The following KDM4C variants were observed in gnomAD, a reference collection of about 807,000 sequenced individuals.
KDM4C encodes the protein lysine demethylase 4C, also known as lysine-specific demethylase 4C.
KDM4C carries 81 observed loss-of-function variants against 129.3 expected under a neutral mutation model. The observed-to-expected ratio is 0.63, with a 90% confidence interval of 0.52 to 0.75. The LOEUF is 0.75. Among genes scored for constraint, KDM4C ranks in the 30% least tolerant of loss-of-function variants. The probability of loss-of-function intolerance (pLI) is 0.00; values close to 1 mark genes in which losing one functional copy is unlikely to be tolerated. For missense variants in KDM4C, 1,457 were observed against 1,304.0 expected (o/e 1.12, Z -1.81); for synonymous variants, 573 against 456.1 (o/e 1.26, Z -3.26).
rs370233234 is a variant in KDM4C at position 6,867,021 on chromosome 9, T to A, written c.630-12991T>A. 9.8e-3 allele frequency among the ~76,000 whole-genome samples: 568 copies of A among 57,932 alleles called. 8 individuals are homozygous for A. The highest frequency in any genetic ancestry group is 0.021 in the African/African-American group (373 of 17,868). 38.0% of individuals were successfully genotyped at this position (57,932 alleles called of 152,430 possible). A position where few individuals can be genotyped will look rare whatever the true frequency, so the allele number is the denominator to read the frequency against. On this transcript the variant is annotated intron_variant, in intron 5 of 21. Coordinates refer to ENST00000381309, the MANE Select transcript of KDM4C (RefSeq NM_015061.6). Reference sequence around the variant, plus strand: ...TGTGTATATATATATATATATATTTTTTTTTTTTTTTGGAAGATGGAATCT... The same window carrying A: ...TGTGTATATATATATATATATATTTATTTTTTTTTTTGGAAGATGGAATCT...
At position 6,745,178 on chromosome 9, in the gene KDM4C, A is replaced by C. The variant is rs1817834840; in HGVS notation, c.49+24181A>C. The stretch of plus-strand genomic sequence containing the variant: ...ATCTCAGGATTGAGAGTCAAGGAAA[A>C]TTTGATCTTTGTTATGATAATGTTC... On this transcript the variant is annotated intron_variant, in intron 1 of 17. Coordinates refer to the KDM4C transcript ENST00000536108. 2.6e-5 allele frequency among the ~76,000 whole-genome samples: 4 copies of C among 152,120 alleles called. No individual in the cohort carries two copies. The South Asian group carries it at 8.3e-4, about 32-fold the overall frequency.
chr9:6,848,752 C>A (rs143934087), intron 4 of KDM4C, among the ~76,000 whole-genome samples: 1 of 152,164 alleles, frequency 6.6e-6, no homozygotes, highest in Non-Finnish European at 1.5e-5. Flanking sequence ...GTGACTCTAA[C>A]CTTCCCTCGC....
intron 8 of KDM4C, among the ~76,000 whole-genome samples, chr9:6,951,923 T>C (rs897928736): frequency 6.6e-6 from 1 of 152,230 alleles, no homozygotes; most frequent in African/African-American, 2.4e-5. Flanking sequence ...TTTTAAGTTT[T>C]AAATTTTTTT....
intron 8 of KDM4C, among the ~76,000 whole-genome samples, chr9:6,977,233 G>C (rs10491778): frequency 0.25 from 38,124 of 152,032 alleles, 5,182 homozygotes; most frequent in South Asian, 0.45. Context: ...AAATCTAATT[G>C]ATCTTCTACA....
chr9:6,905,648 G>T (rs1393148066), intron 8 of KDM4C, among the ~76,000 whole-genome samples: 3 of 152,190 alleles, frequency 2.0e-5, no homozygotes, highest in Non-Finnish European at 4.4e-5. Flanking sequence ...AGATTTGTAG[G>T]TGGGTTTAAC....
chr9:6,975,699 A>T (rs1258836046), intron 8 of KDM4C, among the ~76,000 whole-genome samples: 2 of 150,316 alleles, frequency 1.3e-5, no homozygotes, highest in African/African-American at 4.9e-5. Context: ...GGAAGGTCAG[A>T]TGGGGCAAAG....
chr9:6,730,763 G>C (rs1186593321), intron 1 of KDM4C, among the ~76,000 whole-genome samples: 1 of 152,154 alleles, frequency 6.6e-6, no homozygotes, highest in African/African-American at 2.4e-5. Flanking sequence ...AAAGAGAAGT[G>C]ACTATAGAAA....
intron 1 of KDM4C, among the ~76,000 whole-genome samples, chr9:6,771,727 A>G (rs1305736915): frequency 6.6e-6 from 1 of 152,216 alleles, no homozygotes; most frequent in African/African-American, 2.4e-5. Flanking sequence ...CATAAAAGTC[A>G]CAATGTAGAA....
rs557523030 is a variant in KDM4C at position 7,128,236 on chromosome 9, G to C, written c.2781G>C (p.Val927=). 1 of 1,572,520 alleles carries C rather than the reference G, an allele frequency of 6.4e-7. No individual in the cohort carries two copies. Among genetic ancestry groups the C allele is most frequent in the African/African-American group, 1.4e-5 (1 of 72,852 alleles). Residue 927 remains valine (V), a splice_region_variant and synonymous_variant, in exon 19 of 22, where the codon GTG becomes GTC. Coordinates refer to ENST00000381309, the MANE Select transcript of KDM4C (RefSeq NM_015061.6). ...GAGACACATTTCCTGAGGATATCGT[G>C]GTAAGTAGGCTTCCTTGAGTGCCTG... ...FSRDTFPEDI[V]SRDCLKLGPP... is the part of the protein sequence containing the mutation.
At chr9:6,855,266 C>G (rs1839592243) in intron 5 of KDM4C, among the ~76,000 whole-genome samples, 2 of 151,942 alleles carry the variant, frequency 1.3e-5, no homozygotes, top group South Asian at 4.1e-4. Flanking sequence ...CGAGACTAGC[C>G]TGGCCAACAT....
intron 17 of KDM4C, among the ~76,000 whole-genome samples, chr9:7,101,120 A>G (rs1320334775): frequency 2.0e-5 from 3 of 152,030 alleles, no homozygotes; most frequent in African/African-American, 7.3e-5. Context: ...GCTTTTCTTA[A>G]AGCTTTCTTC....
chr9:6,849,389 CAGTT>C (rs754676439), intron 4 of KDM4C, 114 bp from the exon 5 acceptor site: 42 of 725,046 alleles, frequency 5.8e-5, no homozygotes, highest in African/African-American at 1.4e-4. Context: ...TTTCAGTTTT[CAGTT>C]AGTTAGAATA....
intron 9 of KDM4C, among the ~76,000 whole-genome samples, chr9:6,982,951 C>G (rs1817024016): frequency 6.6e-6 from 1 of 152,116 alleles, no homozygotes; most frequent in Non-Finnish European, 1.5e-5. Flanking sequence ...TATTGATCTC[C>G]CTTTGGAAAT....
In KDM4C at chr9:7,049,047, A is replaced by G. The variant is rs375759384; in HGVS notation, c.2316-45A>G. The stretch of plus-strand genomic sequence containing the variant: ...TGGCATCACCAAGTTGAAGTATGTA[A>G]GTTTAGGGAACTTTTGTTTATGTTT... On this transcript the variant is annotated intron_variant, in intron 16 of 21. Transcript: ENST00000381309. 15 of 1,313,550 alleles carry G rather than the reference A, an allele frequency of 1.1e-5. No homozygotes were observed. The East Asian group carries it at 1.4e-4, about 12-fold the overall frequency. The allele number at this position is 1,313,550 out of a possible 1,614,324, so 81.4% of individuals were successfully genotyped here.
intron 17 of KDM4C, among the ~76,000 whole-genome samples, chr9:7,100,306 A>G (rs1485453397): frequency 6.6e-6 from 1 of 152,208 alleles, no homozygotes; most frequent in African/African-American, 2.4e-5. Flanking sequence ...CCTAACCTAC[A>G]GTAGTGTTTA....
At position 6,878,161 on chromosome 9, in the gene KDM4C, A is replaced by G. The variant is rs144469930; in HGVS notation, c.630-1851A>G. ...TTACCACAGTATGGCTTTCAGTTTG[A>G]GGATTTAGTTCTACTTGGGAAATAT... is the stretch of plus-strand genomic sequence containing the variant. On this transcript the variant is annotated intron_variant, in intron 5 of 21. Transcript: ENST00000381309. 7.9e-5 allele frequency among the ~76,000 whole-genome samples: 12 copies of G among 152,238 alleles called. No homozygotes were observed. The East Asian group carries it at 1.5e-3, about 20-fold the overall frequency.
At chr9:7,070,062 G>A (rs945436108) in intron 17 of KDM4C, among the ~76,000 whole-genome samples, 1 of 152,124 alleles carries the variant, frequency 6.6e-6, no homozygotes, top group African/African-American at 2.4e-5. Context: ...AGGGGGAAAA[G>A]GGAACAACAA....
rs552737924 is a variant in KDM4C, at chr9:6,833,675, G to A, written c.436-15832G>A. Among the ~76,000 whole-genome samples the A allele has an allele frequency of 3.3e-5, 5 of 152,284 alleles. No homozygotes were observed. The East Asian group carries it at 5.8e-4, about 18-fold the overall frequency. ...TGAGGTGACATAAATAAAACACCTC[G>A]TACAGGGCCTGCTCCCTGGTATGTA... On this transcript the variant is annotated intron_variant, in intron 4 of 21. Transcript: ENST00000381309.
chr9:6,757,680 CGTG>C (rs1818461354), upstream of KDM4C: 1 of 985,372 alleles, frequency 1.0e-6, no homozygotes, highest in Non-Finnish European at 1.2e-6. Flanking sequence ...ACGTGTGGCG[CGTG>C]GACTACATCA....
Sources: gnomAD v4.1 joint callset for allele counts (sites outside exome capture counted in the v4.1 genomes callset) on GRCh38, gnomAD v4.1.1 for gene constraint, MANE v1.5 for transcripts, NCBI Gene and HGNC (gene_info 2026-07-23, HGNC 2026-07-21) for gene names.